Variants in TNPO3 observed in about 807,000 individuals in gnomAD.
TNPO3 encodes transportin-3.
TNPO3 carries 65 observed loss-of-function variants against 122.8 expected under a neutral mutation model. The ratio of observed to expected loss-of-function variants is 0.53; its 90% CI spans 0.43 to 0.65. TNPO3 has a LOEUF of 0.65. Ranked by LOEUF, TNPO3 falls within the 30% of genes least tolerant of loss-of-function variation. The probability of loss-of-function intolerance (pLI) is 0.00; values close to 1 mark genes in which losing one functional copy is unlikely to be tolerated. For synonymous variants in TNPO3, 372 were observed against 411.2 expected, an observed-to-expected ratio of 0.90 and a Z score of 1.15; for missense variants, 850 against 1,136.7, an observed-to-expected ratio of 0.75 and a Z score of 3.63.
chr7:128,954,215 TG>T lies in TNPO3; in HGVS notation c.*1201del, dbSNP rs1796706372. On this transcript the variant is annotated 3_prime_UTR_variant, in exon 23 of 23. Coordinates refer to ENST00000265388, the MANE Select transcript of TNPO3 (RefSeq NM_012470.4). ...TTTTAAAAATTTATTCTTTCTCTTT[TG>T]TTGCTGTTGATTTGTTCTTGAGATG... 6.6e-6 allele frequency: 1 copy of T among 152,264 alleles called. No homozygotes were observed. The highest frequency in any genetic ancestry group is 1.5e-5 in the Non-Finnish European group (1 of 68,050). 9.4% of individuals were successfully genotyped at this position (152,264 alleles called of 1,614,324 possible). A position where few individuals can be genotyped will look rare whatever the true frequency, so the allele number is the denominator to read the frequency against.
At chr7:128,963,013 G>A (rs377088310) in intron 21 of TNPO3, among the ~76,000 whole-genome samples, 2 of 152,308 alleles carry the variant, frequency 1.3e-5, no homozygotes, top group African/African-American at 4.8e-5. Flanking sequence ...GAATGTGTGG[G>A]TGGCTGCCTT....
At chr7:128,963,238 G>T (rs2172876) in intron 21 of TNPO3, among the ~76,000 whole-genome samples, 2 of 151,924 alleles carry the variant, frequency 1.3e-5, no homozygotes, top group Non-Finnish European at 1.5e-5. Flanking sequence ...CAAAGTAATA[G>T]GGTATGTGGC....
In TNPO3 at chr7:128,997,333, T is replaced by C. The variant is rs575590426; in HGVS notation, c.1158+56A>G. The C allele has an allele frequency of 4.4e-6, 7 of 1,587,120 alleles. No homozygotes were observed. In the South Asian group the frequency reaches 6.7e-5, roughly 15 times the overall value. On this transcript the variant is annotated intron_variant, in intron 8 of 22. Coordinates refer to ENST00000265388, the MANE Select transcript of TNPO3 (RefSeq NM_012470.4). ...TCTATCTTCTCAGTTCCTTTTCAAG[T>C]TGGCACTGACAAGAGGAAGAAATTA...
chr7:128,990,093 T>G lies in TNPO3; in HGVS notation c.1366A>C (p.Asn456His), dbSNP rs1800594024. ...TCTAGGACTTCCACAAGTGTTGGATTGTTTTCCCTGAGTACAGGCGGTAAG... is the reference window on the plus strand; with the variant it reads ...TCTAGGACTTCCACAAGTGTTGGATGGTTTTCCCTGAGTACAGGCGGTAAG... The part of the protein sequence containing the change: ...AIAKSVDPEN[N>H]PTLVEVLEGV... Residue 456 changes from asparagine to histidine, a missense_variant, in exon 11 of 23, where the codon AAT (asparagine) becomes CAT (histidine). Physicochemically the swap from Asn to His is moderately conservative, Grantham distance 68 (BLOSUM62 1). Coordinates refer to ENST00000265388, the MANE Select transcript of TNPO3 (RefSeq NM_012470.4). 3 of 1,614,224 alleles carry G rather than the reference T, an allele frequency of 1.9e-6. No individual in the cohort carries two copies. Among genetic ancestry groups the G allele is most frequent in the Non-Finnish European group, 2.5e-6 (3 of 1,180,032 alleles).
At chr7:129,038,257 A>G (rs1415272435) in intron 1 of TNPO3, among the ~76,000 whole-genome samples, 2 of 152,244 alleles carry the variant, frequency 1.3e-5, no homozygotes, top group African/African-American at 2.4e-5. Context: ...TCTAAAGCCA[A>G]TGAAACCATA....
At chr7:129,007,372 C>T (rs1442859769) in intron 4 of TNPO3, among the ~76,000 whole-genome samples, 1 of 152,178 alleles carries the variant, frequency 6.6e-6, no homozygotes, top group East Asian at 1.9e-4. Flanking sequence ...TCAAGGACTT[C>T]CTATATTTCA....
At chr7:128,976,016 T>G (rs1405310756) in intron 16 of TNPO3, 81 bp from the exon 17 acceptor site, 3 of 960,198 alleles carry the variant, frequency 3.1e-6, no homozygotes, top group Non-Finnish European at 5.1e-6. Flanking sequence ...AGGAAGAAAT[T>G]CAGAGATAGA....
chr7:129,025,294 G>A (rs541770334), intron 1 of TNPO3, among the ~76,000 whole-genome samples: 1 of 132,718 alleles, frequency 7.5e-6, no homozygotes, highest in East Asian at 2.5e-4. Flanking sequence ...AAGTTGCAGT[G>A]AGCCGAGATC....
intron 1 of TNPO3, among the ~76,000 whole-genome samples, chr7:129,044,439 C>T (rs1286832814): frequency 6.6e-6 from 1 of 152,146 alleles, no homozygotes. Context: ...AACCATTATG[C>T]AAACTCTGTT....
At chr7:129,023,944 A>T (rs937978408) in intron 1 of TNPO3, among the ~76,000 whole-genome samples, 2 of 152,222 alleles carry the variant, frequency 1.3e-5, no homozygotes, top group African/African-American at 4.8e-5. Context: ...TTAAGCACTG[A>T]ACAATAACAG....
At chr7:128,978,913 T>C (rs1341474768) in intron 16 of TNPO3, 70 bp downstream of exon 16, 3 of 1,572,600 alleles carry the variant, frequency 1.9e-6, no homozygotes, top group Non-Finnish European at 2.6e-6. Flanking sequence ...ATTACAGACG[T>C]GAGCCACCGC....
intron 21 of TNPO3, among the ~76,000 whole-genome samples, chr7:128,959,444 G>C (rs557801840): frequency 6.6e-6 from 1 of 152,300 alleles, no homozygotes; most frequent in South Asian, 2.1e-4. Flanking sequence ...CTATCGTCCT[G>C]CCTCAGCCTC....
chr7:128,989,106 C>CA (rs1450719907), intron 11 of TNPO3, among the ~76,000 whole-genome samples: 7 of 151,244 alleles, frequency 4.6e-5, no homozygotes, highest in Non-Finnish European at 7.4e-5. Context: ...ACAAAAACAA[C>CA]AAAAAAAAGA....
At chr7:128,956,680 GT>G (rs749798845) in intron 22 of TNPO3, among the ~76,000 whole-genome samples, 85 of 152,258 alleles carry the variant, frequency 5.6e-4, no homozygotes, top group Non-Finnish European at 1.1e-3. Context: ...TTCTGAAAGT[GT>G]TTTTTCCTCC....
intron 7 of TNPO3, among the ~76,000 whole-genome samples, chr7:128,998,004 ATTTTTTT>A (rs71162546): frequency 1.3e-4 from 17 of 129,418 alleles, no homozygotes; most frequent in East Asian, 2.1e-4. Context: ...AGCTCAGCTA[ATTTTTTT>A]TTTTTTTTTT....
intron 1 of TNPO3, chr7:129,030,123 T>C (rs1805754552): frequency 1.3e-5 from 2 of 158,676 alleles, no homozygotes; most frequent in African/African-American, 4.8e-5. Context: ...ATGAAGTATA[T>C]GGATCATTTA....
At chr7:128,983,198 A>G (rs1360468585) in intron 13 of TNPO3, among the ~76,000 whole-genome samples, 2 of 152,054 alleles carry the variant, frequency 1.3e-5, no homozygotes, top group Non-Finnish European at 2.9e-5. Flanking sequence ...TCATAAGACC[A>G]ATCAAAGACT....
chr7:128,997,569 G>A (rs1410304724), intron 7 of TNPO3, 34 bp from the exon 8 acceptor site: 2 of 1,573,622 alleles, frequency 1.3e-6, no homozygotes, highest in Non-Finnish European at 1.7e-6. Flanking sequence ...TATTTGAATG[G>A]GAAAGGAATA....
In TNPO3 at chr7:128,974,976, G is replaced by A; in HGVS notation, c.2179-14C>T. On this transcript the variant is annotated splice_polypyrimidine_tract_variant and intron_variant, in intron 17 of 22. Transcript: ENST00000265388. Reference sequence around the variant, plus strand: ...GATGCACAGTGCCTAAAACAAAACAGTGATTTTAAAAGAAATGCTTTTTCA... The same window carrying A: ...GATGCACAGTGCCTAAAACAAAACAATGATTTTAAAAGAAATGCTTTTTCA... 6.2e-7 allele frequency: 1 copy of A among 1,607,326 alleles called. No individual in the cohort carries two copies. Among genetic ancestry groups the A allele is most frequent in the South Asian group, 1.1e-5 (1 of 90,840 alleles).
Sources: gnomAD v4.1 joint callset for allele counts (sites outside exome capture counted in the v4.1 genomes callset) on GRCh38, gnomAD v4.1.1 for gene constraint, MANE v1.5 for transcripts, NCBI Gene and HGNC (gene_info 2026-07-23, HGNC 2026-07-21) for gene names.